Variants in LRCH1 observed in about 807,000 individuals in gnomAD.
LRCH1 encodes leucine rich repeats and calponin homology domain containing 1.
A neutral mutation model predicts 94.9 loss-of-function variants in LRCH1; 23 were observed. The observed-to-expected ratio is 0.24, with a 90% confidence interval of 0.17 to 0.34. LRCH1 has a LOEUF of 0.34. LRCH1 is among the 10% of genes least tolerant of loss of function. The pLI is 1.00. For missense variants in LRCH1, 790 were observed against 945.9 expected (o/e 0.84, Z 2.16); for synonymous variants, 364 against 354.9 (o/e 1.03, Z -0.29).
Position 46,564,184 on chromosome 13 carries a change from G to A in LRCH1, c.307+10481G>A, listed in dbSNP as rs115892429. ...ACTGGATTCCACATACTAAAGGAGTGTGCTGGGCAGCCCCCGACTCACAAA... is the reference window on the plus strand; with the variant it reads ...ACTGGATTCCACATACTAAAGGAGTATGCTGGGCAGCCCCCGACTCACAAA... On this transcript the variant is annotated intron_variant, in intron 1 of 19. Transcript: ENST00000389797. Among the ~76,000 whole-genome samples the A allele has an allele frequency of 4.0e-3, 603 of 152,298 alleles. 3 individuals are homozygous for A. Among genetic ancestry groups the A allele is most frequent in the African/African-American group, 0.014 (577 of 41,548 alleles).
intron 1 of LRCH1, among the ~76,000 whole-genome samples, chr13:46,646,015 G>A (rs2051216384): frequency 6.6e-6 from 1 of 152,016 alleles, no homozygotes; most frequent in African/African-American, 2.4e-5. Flanking sequence ...AAGTTTTCGG[G>A]GCAAACTTCC....
At chr13:46,600,465 C>T (rs1378160745) in intron 1 of LRCH1, among the ~76,000 whole-genome samples, 1 of 152,192 alleles carries the variant, frequency 6.6e-6, no homozygotes, top group African/African-American at 2.4e-5. Flanking sequence ...GTTTGCCTTT[C>T]CTTGGGTCAT....
At chr13:46,554,150 G>A (rs2050036581) in intron 1 of LRCH1, among the ~76,000 whole-genome samples, 1 of 152,240 alleles carries the variant, frequency 6.6e-6, no homozygotes, top group Admixed American at 6.5e-5. Context: ...AGTTCAAGCC[G>A]TCTTTGCATC....
At chr13:46,745,151 G>A (rs565139442), downstream of LRCH1, among the ~76,000 whole-genome samples, 2 of 152,310 alleles carry the variant, frequency 1.3e-5, no homozygotes, top group South Asian at 2.1e-4. Context: ...CTTGGGCCAT[G>A]CAGATTCTGT....
Position 46,744,476 on chromosome 13 carries a change from G to T in LRCH1, c.*2628G>T. On this transcript the variant is annotated 3_prime_UTR_variant, in exon 20 of 20. Coordinates refer to ENST00000389797, the MANE Select transcript of LRCH1 (RefSeq NM_001164211.2). ...ATTTCTAATCATCTTTCCTATTTAT[G>T]GATTTCTGGTTTGTTATTTTTAGGG... 2.5e-5 allele frequency: 25 copies of T among 985,206 alleles called. No homozygotes were observed. The highest frequency in any genetic ancestry group is 2.8e-5 in the Non-Finnish European group (23 of 829,916). The allele number at this position is 985,206 out of a possible 1,614,324, so 61.0% of individuals were successfully genotyped here.
intron 3 of LRCH1, among the ~76,000 whole-genome samples, chr13:46,676,784 T>C (rs944759548): frequency 3.3e-5 from 5 of 152,142 alleles, no homozygotes; most frequent in Non-Finnish European, 7.4e-5. Flanking sequence ...TTTTCTTTTT[T>C]CTTTTTGTTT....
intron 8 of LRCH1, 70 bp downstream of exon 8, chr13:46,692,711 G>GAAA: frequency 9.0e-7 from 1 of 1,114,680 alleles, no homozygotes; most frequent in Non-Finnish European, 1.3e-6. Flanking sequence ...AATAACCTGT[G>GAAA]CACAGATAGG....
intron 1 of LRCH1, among the ~76,000 whole-genome samples, chr13:46,616,436 C>A (rs1049238834): frequency 2.6e-5 from 4 of 152,332 alleles, no homozygotes; most frequent in South Asian, 4.1e-4. Flanking sequence ...AGTCTTTGGT[C>A]ATAAGCCTGA....
chr13:46,679,386 G>A, intron 3 of LRCH1, among the ~76,000 whole-genome samples: 1 of 152,206 alleles, frequency 6.6e-6, no homozygotes, highest in Non-Finnish European at 1.5e-5. Context: ...TCTTGTGACT[G>A]AGCAAAGGCC....
At chr13:46,588,745 C>A (rs187189687) in intron 1 of LRCH1, among the ~76,000 whole-genome samples, 1 of 151,286 alleles carries the variant, frequency 6.6e-6, no homozygotes, top group African/African-American at 2.4e-5. Context: ...GGATTACAGG[C>A]GCCCGCCACT....
At chr13:46,734,572 G>A (rs1873277306) in intron 19 of LRCH1, among the ~76,000 whole-genome samples, 1 of 152,170 alleles carries the variant, frequency 6.6e-6, no homozygotes, top group African/African-American at 2.4e-5. Flanking sequence ...TTTGCTTTGA[G>A]CCCAATAGGC....
At chr13:46,592,186 A>G in intron 1 of LRCH1, among the ~76,000 whole-genome samples, 1 of 152,154 alleles carries the variant, frequency 6.6e-6, no homozygotes. Context: ...TTAATGAGGA[A>G]TCATGGTCTC....
At chr13:46,671,851 A>ATC (rs1405326891) in intron 3 of LRCH1, among the ~76,000 whole-genome samples, 3 of 152,154 alleles carry the variant, frequency 2.0e-5, no homozygotes, top group African/African-American at 7.2e-5. Context: ...CACATGCACA[A>ATC]TCTCTCTGTC....
intron 15 of LRCH1, among the ~76,000 whole-genome samples, chr13:46,715,040 T>G (rs1346809794): frequency 6.6e-6 from 1 of 152,192 alleles, no homozygotes; most frequent in Non-Finnish European, 1.5e-5. Flanking sequence ...TGACATTGCT[T>G]TGGAGAAAAA....
At chr13:46,617,203 T>A (rs2050820422) in intron 1 of LRCH1, among the ~76,000 whole-genome samples, 1 of 152,174 alleles carries the variant, frequency 6.6e-6, no homozygotes, top group African/African-American at 2.4e-5. Flanking sequence ...TTGTTTATAC[T>A]TGGATGCTTT....
Position 46,705,291 on chromosome 13 carries a change from C to T in LRCH1, c.1514C>T (p.Ser505Phe). Residue 505 changes from serine (S) to phenylalanine (F), a missense_variant, in exon 13 of 20, where the codon TCT (serine) becomes TTT (phenylalanine). Transcript: ENST00000389797. Reference protein sequence around the residue: ...ALNGQIQLETSPVCEVQSDLT... With the variant: ...ALNGQIQLETFPVCEVQSDLT... ...AGTGGTCAAATACAGCTGGAGACAT[C>T]TCCGGTGTGTGAGGTAAGGCTGCTG... The T allele has an allele frequency of 1.9e-6, 3 of 1,613,228 alleles. No individual in the cohort carries two copies. The highest frequency in any genetic ancestry group is 2.5e-6 in the Non-Finnish European group (3 of 1,179,660).
chr13:46,727,142 C>A (rs1275197860), intron 17 of LRCH1, among the ~76,000 whole-genome samples: 5 of 152,102 alleles, frequency 3.3e-5, no homozygotes, highest in Admixed American at 3.3e-4. Flanking sequence ...GAAAAGAATA[C>A]CCCAGCAGAG....
In LRCH1 at chr13:46,681,877, T is replaced by C. The variant is rs376438157; in HGVS notation, c.685+31T>C. The C allele has an allele frequency of 2.6e-5, 35 of 1,370,974 alleles. No individual in the cohort carries two copies. In the African/African-American group the frequency reaches 3.7e-4, roughly 15 times the overall value. 84.9% of individuals were successfully genotyped at this position (1,370,974 alleles called of 1,614,324 possible). On this transcript the variant is annotated intron_variant, in intron 4 of 19. Transcript: ENST00000389797. ...AAAGAAAGAGGGAAAATGAAGAAAA[T>C]GGGAGACTTGCATTATTTTATGTTT... is the stretch of plus-strand genomic sequence containing the variant.
At chr13:46,607,577 TCTTCTC>T (rs2050701312) in intron 1 of LRCH1, among the ~76,000 whole-genome samples, 1 of 152,096 alleles carries the variant, frequency 6.6e-6, no homozygotes, top group Admixed American at 6.5e-5. Flanking sequence ...GATTCATTGT[TCTTCTC>T]CTTCTCCTTT....
Sources: allele counts gnomAD v4.1 joint callset (sites outside exome capture counted in the v4.1 genomes callset), GRCh38; gene constraint gnomAD v4.1.1; transcripts MANE v1.5; gene names NCBI Gene and HGNC (gene_info 2026-07-23, HGNC 2026-07-21).